The following AGL variants were observed in gnomAD, a reference collection of about 807,000 sequenced individuals.
AGL encodes the protein glycogen debranching enzyme.
A neutral mutation model predicts 199.3 loss-of-function variants in AGL; 128 were observed. The observed-to-expected ratio is 0.64, with a 90% CI of 0.56 to 0.74. The LOEUF (loss-of-function observed/expected upper bound fraction) is 0.74. AGL is among the 30% of genes least tolerant of loss of function. The pLI, the probability that AGL is intolerant of heterozygous loss-of-function variation, is 0.00. For synonymous variants in AGL, 584 were observed against 594.7 expected (o/e 0.98, Z 0.26); for missense variants, 1,809 against 1,820.8 (o/e 0.99, Z 0.12).
intron 2 of AGL, among the ~76,000 whole-genome samples, chr1:99,851,842 A>G (rs1648974503): frequency 6.6e-6 from 1 of 152,252 alleles, no homozygotes; most frequent in African/African-American, 2.4e-5. Context: ...GTTGCTAGTC[A>G]TAAACATTTC....
At chr1:99,849,802 C>T (rs1648778415), upstream of AGL, among the ~76,000 whole-genome samples, 1 of 152,238 alleles carries the variant, frequency 6.6e-6, no homozygotes, top group Admixed American at 6.5e-5. Flanking sequence ...GAAGCCAGGT[C>T]GTTTGCCCCT....
chr1:99,865,261 A>C (rs897243836), intron 5 of AGL, among the ~76,000 whole-genome samples: 1 of 152,176 alleles, frequency 6.6e-6, no homozygotes, highest in African/African-American at 2.4e-5. Flanking sequence ...GGACTACTCT[A>C]TTAATCCTTT....
intron 27 of AGL, among the ~76,000 whole-genome samples, chr1:99,907,672 G>GTTT (rs1654401292): frequency 1.2e-5 from 1 of 83,756 alleles, no homozygotes; most frequent in African/African-American, 4.2e-5. Flanking sequence ...TTTTGTTTTT[G>GTTT]TTCGTTTGTT....
chr1:99,881,099 T>C lies in AGL; in HGVS notation c.1923T>C (p.Leu641=). The change falls in exon 15 of 34, where the codon CTT becomes CTC. Residue 641 remains leucine, a synonymous_variant. Transcript: ENST00000361915. The part of the protein sequence containing the change: ...PIVHRSAYDA[L]PSTTIVSMAC... ...AGCATAGATCAGCGTATGATGCTCT[T>C]CCAAGTACTACAATTGTTTCTATGG... is the stretch of plus-strand genomic sequence containing the variant. The C allele has an allele frequency of 6.2e-7, 1 of 1,613,958 alleles. No homozygotes were observed. The highest frequency in any genetic ancestry group is 8.5e-7 in the Non-Finnish European group (1 of 1,179,912).
intron 2 of AGL, among the ~76,000 whole-genome samples, chr1:99,855,107 A>AGCCTTG (rs1184114150): frequency 6.6e-6 from 1 of 152,128 alleles, no homozygotes; most frequent in Non-Finnish European, 1.5e-5. Flanking sequence ...AGGCTGAGGC[A>AGCCTTG]GGAGAATTGC....
chr1:99,888,924 A>G (rs997711207), intron 21 of AGL, among the ~76,000 whole-genome samples: 6 of 152,142 alleles, frequency 3.9e-5, no homozygotes, highest in Non-Finnish European at 4.4e-5. Flanking sequence ...TTTATTTTCT[A>G]TACCTCTTAC....
rs1346677449 is a variant in AGL, at chr1:99,892,555, G to A, written c.3207G>A (p.Arg1069=). 1.9e-6 allele frequency: 3 copies of A among 1,613,584 alleles called. No individual in the cohort carries two copies. The highest frequency in any genetic ancestry group is 8.5e-7 in the Non-Finnish European group (1 of 1,179,694). The part of the protein sequence containing the change: ...LSPALMDVPY[R]LNEITKEKEQ... ...CTGCCCTAATGGATGTACCTTATAG[G>A]TTAAATGAGATCACAAAAGAAAAGG... The change falls in exon 24 of 34, where the codon AGG becomes AGA. Residue 1069 remains arginine (R), a synonymous_variant. Coordinates refer to ENST00000361915, the MANE Select transcript of AGL (RefSeq NM_000642.3).
intron 21 of AGL, among the ~76,000 whole-genome samples, chr1:99,890,026 T>TC (rs770698553): frequency 6.6e-6 from 1 of 152,188 alleles, no homozygotes; most frequent in African/African-American, 2.4e-5. Flanking sequence ...CATGTTGGAA[T>TC]CCAGGAATCC....
intron 2 of AGL, chr1:99,852,743 A>G: frequency 2.6e-6 from 2 of 780,212 alleles, no homozygotes; most frequent in East Asian, 2.4e-5. Context: ...CTACCTTTCT[A>G]GGTTTTGAGA....
chr1:99,915,379 C>T lies in AGL; in HGVS notation c.4162-10C>T. 1 of 1,606,372 alleles carries T rather than the reference C, an allele frequency of 6.2e-7. No homozygotes were observed. Among genetic ancestry groups the T allele is most frequent in the Admixed American group, 1.7e-5 (1 of 59,884 alleles). Reference sequence around the variant, plus strand: ...TAAAAATTTGTATATTTGTTTTTGGCATTCACTAGGCCCCTGAGCTCTTTA... The same window carrying T: ...TAAAAATTTGTATATTTGTTTTTGGTATTCACTAGGCCCCTGAGCTCTTTA... On this transcript the variant is annotated splice_polypyrimidine_tract_variant and intron_variant, in intron 30 of 33. Coordinates refer to ENST00000361915, the MANE Select transcript of AGL (RefSeq NM_000642.3).
At chr1:99,877,482 A>G (rs900208246) in intron 11 of AGL, among the ~76,000 whole-genome samples, 159 bp from the exon 12 acceptor site, 21 of 152,290 alleles carry the variant, frequency 1.4e-4, no homozygotes, top group African/African-American at 5.1e-4. Context: ...ATAATTATTA[A>G]TTTTTTAAAA....
chr1:99,895,325 T>C (rs1653213526), intron 24 of AGL, among the ~76,000 whole-genome samples: 1 of 152,188 alleles, frequency 6.6e-6, no homozygotes, highest in Admixed American at 6.5e-5. Context: ...AAGTAAAATT[T>C]TAGATTGCAC....
chr1:99,856,622 T>G lies in AGL; in HGVS notation c.83-4881T>G, dbSNP rs558834243. ...CACAGTGTTTGTGTCCCTGGGTACT[T>G]GAGATTAGGGAGTGGTGATGACTCT... On this transcript the variant is annotated intron_variant, in intron 2 of 33. Coordinates refer to ENST00000361915, the MANE Select transcript of AGL (RefSeq NM_000642.3). Among the ~76,000 whole-genome samples, 14 of 152,006 alleles carry G rather than the reference T, an allele frequency of 9.2e-5. No individual in the cohort carries two copies. In the South Asian group the frequency reaches 2.1e-3, roughly 23 times the overall value.
chr1:99,857,847 A>AGAGGGAGACTGTGGGGAGGGGGGGGGGGG (rs1557743553), intron 2 of AGL, among the ~76,000 whole-genome samples: 1 of 8,226 alleles, frequency 1.2e-4, no homozygotes, highest in Non-Finnish European at 2.4e-4. Context: ...GGGGAGGGGG[A>AGAGGGAGACTGTGGGGAGGGGGGGGGGGG]GGGGGGAAGA....
rs1159839735 is a variant in AGL, at chr1:99,851,172, T to G, written c.82+48T>G. ...TTGCTCATTTGCGTCTTTTAAACTT[T>G]TAATTCATTGGCAGTCCTGTTAAAT... On this transcript the variant is annotated intron_variant, in intron 2 of 33. Coordinates refer to ENST00000361915, the MANE Select transcript of AGL (RefSeq NM_000642.3). The G allele has an allele frequency of 2.0e-6, 3 of 1,469,860 alleles. No individual in the cohort carries two copies. The East Asian group carries it at 6.8e-5, about 33-fold the overall frequency. 91.1% of individuals were successfully genotyped at this position (1,469,860 alleles called of 1,614,324 possible).
At chr1:99,888,793 CTTTA>C (rs1652655624) in intron 21 of AGL, among the ~76,000 whole-genome samples, 1 of 152,056 alleles carries the variant, frequency 6.6e-6, no homozygotes, top group Admixed American at 6.6e-5. Flanking sequence ...TTGTTCAACT[CTTTA>C]TTTCTTTCTC....
Position 99,870,438 on chromosome 1 carries a change from G to A in AGL, c.703G>A (p.Ala235Thr), listed in dbSNP as rs1571242911. 1.9e-6 allele frequency: 3 copies of A among 1,614,012 alleles called. No homozygotes were observed. Among genetic ancestry groups the A allele is most frequent in the Non-Finnish European group, 2.5e-6 (3 of 1,179,958 alleles). ...ATGGATCCAGGAACATCCAGAATGT[G>A]CCTATAATCTTGTGAATTCTCCACA... Reference protein sequence around the residue: ...SKWIQEHPECAYNLVNSPHLK... With the variant: ...SKWIQEHPECTYNLVNSPHLK... The change falls in exon 6 of 34, where the codon GCC (alanine) becomes ACC (threonine). Residue 235 changes from alanine to threonine, a missense_variant. By Grantham distance (58) the Ala-to-Thr change is moderately conservative. Transcript: ENST00000361915.
intron 20 of AGL, among the ~76,000 whole-genome samples, chr1:99,886,125 A>G (rs370567912): frequency 1.3e-5 from 2 of 152,170 alleles, no homozygotes; most frequent in Non-Finnish European, 2.9e-5. Flanking sequence ...AAGGGCATGG[A>G]GTATAGAACC....
intron 21 of AGL, 58 bp from the exon 22 acceptor site, chr1:99,891,162 A>T (rs1336543448): frequency 6.2e-7 from 1 of 1,607,112 alleles, no homozygotes; most frequent in Non-Finnish European, 8.5e-7. Flanking sequence ...GGACTAGAGG[A>T]TATAGGAACA....
Sources: allele counts gnomAD v4.1 joint callset (sites outside exome capture counted in the v4.1 genomes callset), GRCh38; gene constraint gnomAD v4.1.1; transcripts MANE v1.5; gene names NCBI Gene and HGNC (gene_info 2026-07-23, HGNC 2026-07-21).